The following ANKFY1 variants were observed in gnomAD, a reference collection of about 807,000 sequenced individuals.
ANKFY1 encodes the protein ankyrin repeat and FYVE domain containing 1.
A neutral mutation model predicts 128.3 loss-of-function variants in ANKFY1; 47 were observed. That is an observed-to-expected ratio of 0.37 (90% CI 0.29 to 0.47). The LOEUF is 0.47. Among genes scored for constraint, ANKFY1 ranks in the 20% least tolerant of loss-of-function variants. The pLI, the probability that ANKFY1 is intolerant of heterozygous loss-of-function variation, is 1.00. For missense variants in ANKFY1, 1,222 were observed against 1,510.6 expected (o/e 0.81, Z 3.17); for synonymous variants, 553 against 601.6 (o/e 0.92, Z 1.18).
At position 4,242,258 on chromosome 17, in the gene ANKFY1, G is replaced by A. The variant is rs772591411; in HGVS notation, c.201C>T (p.Tyr67=). Residue 67 remains tyrosine, a splice_region_variant and synonymous_variant, in exon 2 of 25, where the codon TAC becomes TAT. Coordinates refer to ENST00000341657, the MANE Select transcript of ANKFY1 (RefSeq NM_001330063.2). ...IVADLYEQEQ[Y]SDLKIKVGDR... ...TCTGTGTCTAGGAGCTCTCCCACCT[G>A]TACTGCTCCTGCTCGTAGAGGTCTG... is the stretch of plus-strand genomic sequence containing the variant. 1.9e-6 allele frequency: 3 copies of A among 1,574,836 alleles called. No individual in the cohort carries two copies. Among genetic ancestry groups the A allele is most frequent in the Non-Finnish European group, 2.6e-6 (3 of 1,165,550 alleles).
chr17:4,216,157 C>T (rs1426578878), intron 4 of ANKFY1, among the ~76,000 whole-genome samples: 9 of 152,176 alleles, frequency 5.9e-5, no homozygotes, highest in South Asian at 2.1e-4. Context: ...CAGCCCATGA[C>T]GAAAACAGCA....
intron 1 of ANKFY1, among the ~76,000 whole-genome samples, chr17:4,255,965 G>C (rs1200208798): frequency 6.6e-6 from 1 of 152,170 alleles, no homozygotes; most frequent in Middle Eastern, 3.4e-3. Flanking sequence ...TTACAGGAGT[G>C]CACCACCAAG....
At chr17:4,263,840 G>A in intron 1 of ANKFY1, 92 bp downstream of exon 1, 2 of 1,611,372 alleles carry the variant, frequency 1.2e-6, no homozygotes, top group Non-Finnish European at 1.7e-6. Flanking sequence ...ATGCAACCAC[G>A]CCCGGCCTTC....
chr17:4,250,391 T>C (rs942206555), intron 1 of ANKFY1, among the ~76,000 whole-genome samples: 2 of 152,218 alleles, frequency 1.3e-5, no homozygotes, highest in African/African-American at 4.8e-5. Flanking sequence ...GTACGGGCTA[T>C]GATAATGCAT....
intron 8 of ANKFY1, 98 bp downstream of exon 8, chr17:4,197,275 A>C (rs1409104754): frequency 7.7e-7 from 1 of 1,295,550 alleles, no homozygotes. Flanking sequence ...AATAATGCCA[A>C]ACTAAAGAAC....
At chr17:4,236,268 G>A (rs1966899003) in intron 2 of ANKFY1, among the ~76,000 whole-genome samples, 1 of 152,160 alleles carries the variant, frequency 6.6e-6, no homozygotes, top group Non-Finnish European at 1.5e-5. Context: ...AAGACAGAAA[G>A]GTTAAAGATG....
intron 7 of ANKFY1, among the ~76,000 whole-genome samples, chr17:4,198,922 T>G (rs1011355316): frequency 3.3e-5 from 5 of 152,120 alleles, no homozygotes; most frequent in Non-Finnish European, 7.4e-5. Context: ...TCCCAGGTCT[T>G]TGGAAGGCCG....
intron 23 of ANKFY1, among the ~76,000 whole-genome samples, chr17:4,170,162 G>C (rs919450463): frequency 6.6e-6 from 1 of 152,216 alleles, no homozygotes; most frequent in Non-Finnish European, 1.5e-5. Context: ...CATGGCTACC[G>C]GGGATGTCGG....
chr17:4,191,669 T>G (rs1216305573), intron 10 of ANKFY1, among the ~76,000 whole-genome samples: 1 of 100,120 alleles, frequency 1.0e-5, no homozygotes, highest in Non-Finnish European at 2.3e-5. Flanking sequence ...ATCTGGAGAC[T>G]CCTAGTTGAT....
intron 13 of ANKFY1, 94 bp downstream of exon 13, chr17:4,183,718 G>A: frequency 2.8e-6 from 4 of 1,435,236 alleles, no homozygotes; most frequent in Non-Finnish European, 3.9e-6. Flanking sequence ...GATTAGCCCA[G>A]TCTCCTCTTT....
chr17:4,257,149 A>C (rs1222592661), intron 1 of ANKFY1, among the ~76,000 whole-genome samples: 1 of 151,918 alleles, frequency 6.6e-6, no homozygotes, highest in African/African-American at 2.4e-5. Context: ...GTCATCTTTG[A>C]TTCTCTCTCA....
intron 3 of ANKFY1, among the ~76,000 whole-genome samples, chr17:4,221,051 T>G (rs1448572998): frequency 1.3e-5 from 2 of 152,258 alleles, no homozygotes; most frequent in Admixed American, 6.5e-5. Context: ...CCAGGATGCA[T>G]GTAAATACAC....
chr17:4,195,449 T>C lies in ANKFY1; in HGVS notation c.1126A>G (p.Met376Val). 2 of 1,614,080 alleles carry C rather than the reference T, an allele frequency of 1.2e-6. No individual in the cohort carries two copies. Among genetic ancestry groups the C allele is most frequent in the African/African-American group, 2.7e-5 (2 of 75,002 alleles). Residue 376 changes from methionine to valine, a missense_variant, in exon 9 of 25, where the codon ATG becomes GTG. By Grantham distance (21) the Met-to-Val change is conservative. Transcript: ENST00000341657. ...CTGAACACATATTCATTCCCGGCCA[T>C]GATGGACACATGTAAAGGAGTCCTG... ...KGRTPLHVSIMAGNEYVFSQL... is the reference protein window; with the variant it reads ...KGRTPLHVSIVAGNEYVFSQL...
At chr17:4,232,501 T>G (rs1295188498) in intron 3 of ANKFY1, among the ~76,000 whole-genome samples, 1 of 152,250 alleles carries the variant, frequency 6.6e-6, no homozygotes, top group Admixed American at 6.5e-5. Flanking sequence ...TGTTCTCCTA[T>G]CTGCTATCTT....
chr17:4,169,317 G>A lies in ANKFY1; in HGVS notation c.3287-29C>T, dbSNP rs141089228. 89 of 1,516,184 alleles carry A rather than the reference G, an allele frequency of 5.9e-5. No homozygotes were observed. The East Asian group carries it at 1.4e-3, about 24-fold the overall frequency. 93.9% of individuals were successfully genotyped at this position (1,516,184 alleles called of 1,614,324 possible). ...CAACACAGGGGGGAGGCCCGGTCCC[G>A]TCAAACCGCGACGGCGCCACGCAAG... On this transcript the variant is annotated intron_variant, in intron 23 of 24. Transcript: ENST00000341657. This position sits in a 1 kb window ranked among gnomAD's most constrained non-coding sequence, Gnocchi z 5.0.
chr17:4,191,641 A>T, intron 10 of ANKFY1, among the ~76,000 whole-genome samples: 4 of 101,320 alleles, frequency 3.9e-5, no homozygotes, highest in African/African-American at 1.6e-4. Flanking sequence ...TAATCTGGAG[A>T]CTCCTAGTTG....
Position 4,169,315 on chromosome 17 carries a change from C to T in ANKFY1, c.3287-27G>A. On this transcript the variant is annotated intron_variant, in intron 23 of 24. Transcript: ENST00000341657. This position sits in a 1 kb window ranked among gnomAD's most constrained non-coding sequence, Gnocchi z 5.0. ...TGCAACACAGGGGGGAGGCCCGGTCCCGTCAAACCGCGACGGCGCCACGCA... is the reference window on the plus strand; with the variant it reads ...TGCAACACAGGGGGGAGGCCCGGTCTCGTCAAACCGCGACGGCGCCACGCA... The T allele has an allele frequency of 2.6e-6, 4 of 1,521,328 alleles. No homozygotes were observed. The highest frequency in any genetic ancestry group is 2.0e-5 in the Admixed American group (1 of 50,672). 94.2% of individuals were successfully genotyped at this position (1,521,328 alleles called of 1,614,324 possible).
rs543775614 is a variant in ANKFY1, at chr17:4,189,413, T to C, written c.1439A>G (p.Asn480Ser). 162 of 1,591,612 alleles carry C rather than the reference T, an allele frequency of 1.0e-4. 1 individual carries two copies. The highest frequency in any genetic ancestry group is 8.6e-4 in the East Asian group (38 of 44,336). The stretch of plus-strand genomic sequence containing the variant: ...GTTTCTGTGGTTGACATGGGCACCG[T>C]TGGTTGCCAGGAAAAGAGCTGCTGC... The part of the protein sequence containing the change: ...NEAAALFLAT[N>S]GAHVNHRNKW... The change falls in exon 11 of 25, where the codon AAC becomes AGC. Residue 480 changes from asparagine to serine, a missense_variant. Physicochemically the swap from Asn to Ser is conservative, Grantham distance 46. Coordinates refer to ENST00000341657, the MANE Select transcript of ANKFY1 (RefSeq NM_001330063.2).
At chr17:4,170,632 T>C in intron 23 of ANKFY1, 83 bp downstream of exon 23, 1 of 1,517,708 alleles carries the variant, frequency 6.6e-7, no homozygotes, top group Non-Finnish European at 8.9e-7. Context: ...CATCATGAGA[T>C]TGAAAGATCA....
Sources: gnomAD v4.1 joint callset for allele counts (sites outside exome capture counted in the v4.1 genomes callset) on GRCh38, gnomAD v4.1.1 for gene constraint, Gnocchi (gnomAD v3.1) non-coding constraint, MANE v1.5 for transcripts, NCBI Gene and HGNC (gene_info 2026-07-23, HGNC 2026-07-21) for gene names.